COL22A1: variants seen among roughly 807,000 people sequenced by gnomAD.
The protein encoded by COL22A1 is collagen type XXII alpha 1 chain.
COL22A1 carries 221 observed loss-of-function variants against 248.9 expected under a neutral mutation model. The observed-to-expected ratio is 0.89, with a 90% CI of 0.80 to 0.99. COL22A1 has a LOEUF of 0.99. Among genes scored for constraint, COL22A1 ranks in the 50% least tolerant of loss-of-function variants. The pLI is 0.00. For synonymous variants in COL22A1, 891 were observed against 793.4 expected, an observed-to-expected ratio of 1.12 and a Z score of -2.07; for missense variants, 2,240 against 2,179.0, an observed-to-expected ratio of 1.03 and a Z score of -0.56.
intron 12 of COL22A1, among the ~76,000 whole-genome samples, chr8:138,792,471 T>C (rs1319265380): frequency 2.0e-5 from 3 of 152,232 alleles, no homozygotes; most frequent in African/African-American, 4.8e-5. Flanking sequence ...GCTCCTTTCA[T>C]GGTAGCAACA....
chr8:138,650,305 A>G (rs1481421430), intron 45 of COL22A1, among the ~76,000 whole-genome samples: 1 of 152,222 alleles, frequency 6.6e-6, no homozygotes, highest in African/African-American at 2.4e-5. Flanking sequence ...CTGTGATACA[A>G]TGCCGACTCT....
intron 47 of COL22A1, among the ~76,000 whole-genome samples, chr8:138,640,276 A>C (rs1302839049): frequency 6.6e-6 from 1 of 152,112 alleles, no homozygotes; most frequent in African/African-American, 2.4e-5. Flanking sequence ...TGATAAAACA[A>C]TCATTTGGAA....
At chr8:138,606,276 G>C in intron 58 of COL22A1, 105 bp downstream of exon 58, 2 of 1,049,206 alleles carry the variant, frequency 1.9e-6, no homozygotes, top group Non-Finnish European at 2.8e-6. Flanking sequence ...ATCATGGCCT[G>C]AGCAGACAGA....
chr8:138,900,923 G>T (rs940580894), intron 1 of COL22A1, among the ~76,000 whole-genome samples: 2 of 152,208 alleles, frequency 1.3e-5, no homozygotes, highest in African/African-American at 4.8e-5. Context: ...GCAGGGTCAT[G>T]TGATAGAAGG....
chr8:138,676,445 GAAA>G (rs1825535983), intron 41 of COL22A1, 110 bp downstream of exon 41: 12 of 551,274 alleles, frequency 2.2e-5, no homozygotes, highest in African/African-American at 9.8e-5. Context: ...AAGAAAGAAA[GAAA>G]GAAAGAAAGG....
chr8:138,904,334 C>T (rs2132174817), intron 1 of COL22A1, among the ~76,000 whole-genome samples: 1 of 152,164 alleles, frequency 6.6e-6, no homozygotes, highest in Admixed American at 6.5e-5. Context: ...CATCCAGAGA[C>T]ACCCCACACA....
In COL22A1 at chr8:138,762,397, G is replaced by A. The variant is rs370912004; in HGVS notation, c.1857+16C>T. 1.2e-4 allele frequency: 189 copies of A among 1,613,612 alleles called. No homozygotes were observed. The African/African-American group carries it at 1.7e-3, about 14-fold the overall frequency. ...CGCTGATGAAACCTAGCCCAACAGC[G>A]CCAGCACCCACCTACCTGCTGTCCT... On this transcript the variant is annotated intron_variant, in intron 17 of 64. Transcript: ENST00000303045.
intron 41 of COL22A1, among the ~76,000 whole-genome samples, chr8:138,664,951 C>T (rs770020328): frequency 3.3e-5 from 5 of 152,080 alleles, no homozygotes; most frequent in Non-Finnish European, 4.4e-5. Flanking sequence ...CAGTCCAGTG[C>T]GCTCTGCATC....
intron 16 of COL22A1, among the ~76,000 whole-genome samples, 173 bp from the exon 17 acceptor site, chr8:138,762,639 G>A (rs1563728214): frequency 6.6e-6 from 1 of 151,920 alleles, no homozygotes; most frequent in Non-Finnish European, 1.5e-5. Flanking sequence ...TGTCTTGGAG[G>A]ACAAGGAACA....
Position 138,598,737 on chromosome 8 carries a change from C to T in COL22A1, c.4347G>A (p.Pro1449=), listed in dbSNP as rs777775995. 19 of 1,613,506 alleles carry T rather than the reference C, an allele frequency of 1.2e-5. No individual in the cohort carries two copies. The highest frequency in any genetic ancestry group is 8.8e-5 in the South Asian group (8 of 91,046). The change falls in exon 61 of 65, where the codon CCG becomes CCA. Residue 1449 remains proline (P), a synonymous_variant. Coordinates refer to ENST00000303045, the MANE Select transcript of COL22A1 (RefSeq NM_152888.3). ...TCCTTACCCTCAGTCCTGGAAATCC[C>T]GGCTGGCCTGGAGGCCCTGGGGGTC... is the stretch of plus-strand genomic sequence containing the variant. ...PVGPPGPPGQ[P]GFPGLRGESP...
intron 16 of COL22A1, among the ~76,000 whole-genome samples, chr8:138,773,570 G>A (rs1014660698): frequency 6.6e-6 from 1 of 152,220 alleles, no homozygotes; most frequent in African/African-American, 2.4e-5. Context: ...GGCCACCTCT[G>A]CCCCAGCTCG....
At chr8:138,876,308 C>A (rs1016343538) in intron 3 of COL22A1, among the ~76,000 whole-genome samples, 23 of 152,168 alleles carry the variant, frequency 1.5e-4, no homozygotes, top group African/African-American at 5.1e-4. Flanking sequence ...CTCCAGGGAG[C>A]CCTCCATCAT....
At chr8:138,809,407 G>A (rs1219622269) in intron 9 of COL22A1, among the ~76,000 whole-genome samples, 1 of 152,194 alleles carries the variant, frequency 6.6e-6, no homozygotes, top group Non-Finnish European at 1.5e-5. Flanking sequence ...AAGGAATGAA[G>A]GAGTGATTAA....
intron 63 of COL22A1, among the ~76,000 whole-genome samples, chr8:138,592,457 C>A (rs1817153385): frequency 6.6e-6 from 1 of 152,298 alleles, no homozygotes; most frequent in African/African-American, 2.4e-5. Context: ...CTGCCACAAT[C>A]TGATGTTCTC....
At position 138,744,641 on chromosome 8, in the gene COL22A1, T is replaced by A. The variant is rs183133537; in HGVS notation, c.2085+6817A>T. Among the ~76,000 whole-genome samples, 432 of 152,270 alleles carry A rather than the reference T, an allele frequency of 2.8e-3. 2 individuals are homozygous for A. The highest frequency in any genetic ancestry group is 9.3e-3 in the African/African-American group (387 of 41,550). The stretch of plus-strand genomic sequence containing the variant: ...TGATGTATACCTTTAAGTCTTAGAA[T>A]CCTAATTAGTAGAATGGGATTAAAA... On this transcript the variant is annotated intron_variant, in intron 22 of 64. Transcript: ENST00000303045.
Position 138,877,847 on chromosome 8 carries a change from C to A in COL22A1, c.561G>T (p.Glu187Asp). The A allele has an allele frequency of 1.2e-6, 2 of 1,613,462 alleles. No homozygotes were observed. Among genetic ancestry groups the A allele is most frequent in the Non-Finnish European group, 1.7e-6 (2 of 1,179,808 alleles). Residue 187 changes from glutamate (E) to aspartate (D), a missense_variant, in exon 3 of 65, where the codon GAG (glutamate) becomes GAT (aspartate). Glu to Asp is a conservative substitution (Grantham distance 45). Coordinates refer to ENST00000303045, the MANE Select transcript of COL22A1 (RefSeq NM_152888.3). ...VGEALKEELEEIASEPKSAHV... is the reference protein window; with the variant it reads ...VGEALKEELEDIASEPKSAHV... ...GGGCGGACTTGGGCTCTGAGGCGAT[C>A]TCCTCCAGCTCCTCCTTGAGTGCCT...
At chr8:138,895,942 C>A (rs1410868119) in intron 1 of COL22A1, among the ~76,000 whole-genome samples, 1 of 152,110 alleles carries the variant, frequency 6.6e-6, no homozygotes, top group Non-Finnish European at 1.5e-5. Context: ...ATAGTGGAAA[C>A]ACAAATGACA....
intron 1 of COL22A1, among the ~76,000 whole-genome samples, chr8:138,891,832 G>A (rs148533354): frequency 1.5e-3 from 226 of 152,322 alleles, no homozygotes; most frequent in African/African-American, 4.7e-3. Context: ...AAGAAGGAGA[G>A]GACAAGAGCA....
intron 63 of COL22A1, among the ~76,000 whole-genome samples, chr8:138,592,905 G>C (rs7009499): frequency 6.6e-6 from 1 of 151,960 alleles, no homozygotes; most frequent in Non-Finnish European, 1.5e-5. Context: ...CTACTATAAA[G>C]AGACATGCAC....
Sources: allele counts gnomAD v4.1 joint callset (sites outside exome capture counted in the v4.1 genomes callset), GRCh38; gene constraint gnomAD v4.1.1; transcripts MANE v1.5; gene names NCBI Gene and HGNC (gene_info 2026-07-23, HGNC 2026-07-21).